Variants in NDUFAF2 observed in about 807,000 individuals in gnomAD.
NDUFAF2 encodes NADH:ubiquinone oxidoreductase complex assembly factor 2, also known as NADH dehydrogenase [ubiquinone] 1 alpha subcomplex assembly factor 2.
Under a neutral mutation model 22.8 loss-of-function variants are expected in NDUFAF2, and 13 were observed. The ratio of observed to expected loss-of-function variants is 0.57; its 90% CI spans 0.37 to 0.91. NDUFAF2 has a LOEUF of 0.91. Ranked by LOEUF, NDUFAF2 falls within the 40% of genes least tolerant of loss-of-function variation. NDUFAF2 has a pLI of 0.01. For missense variants in NDUFAF2, 162 were observed against 195.2 expected, an observed-to-expected ratio of 0.83 and a Z score of 1.01; for synonymous variants, 53 against 64.2, an observed-to-expected ratio of 0.83 and a Z score of 0.84.
intron 2 of NDUFAF2, among the ~76,000 whole-genome samples, chr5:61,082,625 G>C (rs992716870): frequency 2.6e-5 from 4 of 152,026 alleles, no homozygotes; most frequent in Non-Finnish European, 5.9e-5. Flanking sequence ...TGCAGTATTT[G>C]GTTTTCTGTT....
chr5:61,118,966 G>T (rs1193175848), intron 3 of NDUFAF2, among the ~76,000 whole-genome samples: 4 of 152,028 alleles, frequency 2.6e-5, no homozygotes, highest in Admixed American at 6.6e-5. Context: ...GTGGGTTATA[G>T]GTGTATGTTA....
chr5:60,959,549 T>G (rs575589318), intron 1 of NDUFAF2, among the ~76,000 whole-genome samples: 62 of 152,184 alleles, frequency 4.1e-4, no homozygotes, highest in African/African-American at 1.5e-3. Flanking sequence ...TAAGTAACAT[T>G]CTTTCTTTAG....
intron 1 of NDUFAF2, among the ~76,000 whole-genome samples, chr5:61,069,473 A>G (rs569022026): frequency 2.0e-5 from 3 of 152,318 alleles, no homozygotes; most frequent in Admixed American, 6.5e-5. Flanking sequence ...AAAAAACACA[A>G]CTAGCACATT....
chr5:60,996,335 A>G (rs1205197003), intron 1 of NDUFAF2, among the ~76,000 whole-genome samples: 1 of 152,126 alleles, frequency 6.6e-6, no homozygotes. Flanking sequence ...TAGAAATGTC[A>G]TCTGGGAGCT....
At chr5:60,995,144 G>C (rs967760555) in intron 1 of NDUFAF2, among the ~76,000 whole-genome samples, 2 of 151,888 alleles carry the variant, frequency 1.3e-5, no homozygotes, top group Non-Finnish European at 2.9e-5. Context: ...TGAATTCTTC[G>C]TCTGAAAGGT....
At chr5:61,020,133 A>G (rs1044563896) in intron 1 of NDUFAF2, among the ~76,000 whole-genome samples, 2 of 152,110 alleles carry the variant, frequency 1.3e-5, no homozygotes, top group East Asian at 3.8e-4. Flanking sequence ...CTTTTTACAT[A>G]TATTTGTAAA....
chr5:61,043,699 G>GTA (rs770808960), intron 1 of NDUFAF2, among the ~76,000 whole-genome samples: 42 of 148,652 alleles, frequency 2.8e-4, no homozygotes, highest in South Asian at 2.0e-3. Flanking sequence ...GTGTGTGTGT[G>GTA]TGTATGTGTG....
At chr5:61,076,624 T>C (rs2111736761) in intron 2 of NDUFAF2, among the ~76,000 whole-genome samples, 1 of 152,328 alleles carries the variant, frequency 6.6e-6, no homozygotes, top group South Asian at 2.1e-4. Context: ...GGGGGCCTTG[T>C]AGGCCATTTT....
chr5:60,992,911 T>C (rs917964790), intron 1 of NDUFAF2, among the ~76,000 whole-genome samples: 1 of 152,240 alleles, frequency 6.6e-6, no homozygotes, highest in South Asian at 2.1e-4. Flanking sequence ...GCAGGATCCT[T>C]AAGGTGTCAC....
At chr5:61,036,644 C>G (rs1028031682) in intron 1 of NDUFAF2, among the ~76,000 whole-genome samples, 4 of 152,120 alleles carry the variant, frequency 2.6e-5, no homozygotes. Flanking sequence ...AGGAAACCAC[C>G]ACAAATTCAA....
chr5:61,057,426 AATGT>A (rs1199519671), intron 1 of NDUFAF2, among the ~76,000 whole-genome samples: 1 of 152,172 alleles, frequency 6.6e-6, no homozygotes, highest in Non-Finnish European at 1.5e-5. Context: ...GAAAGAAGTA[AATGT>A]ATGGTGGTCT....
At chr5:61,141,365 T>C (rs1741054970) in intron 3 of NDUFAF2, among the ~76,000 whole-genome samples, 1 of 152,220 alleles carries the variant, frequency 6.6e-6, no homozygotes, top group African/African-American at 2.4e-5. Context: ...CCTGCCTCTC[T>C]TCCTTAGATT....
chr5:60,967,456 A>G (rs954253887), intron 1 of NDUFAF2, among the ~76,000 whole-genome samples: 4 of 151,968 alleles, frequency 2.6e-5, no homozygotes, highest in African/African-American at 9.7e-5. Flanking sequence ...TTTACTGTTG[A>G]GTATGTTAAC....
At chr5:61,032,310 G>A (rs919811641) in intron 1 of NDUFAF2, among the ~76,000 whole-genome samples, 6 of 152,160 alleles carry the variant, frequency 3.9e-5, no homozygotes, top group Admixed American at 3.3e-4. Context: ...CCATGCCTAT[G>A]TCTTGAATGG....
At chr5:60,989,987 C>T (rs565774810) in intron 1 of NDUFAF2, among the ~76,000 whole-genome samples, 16 of 152,118 alleles carry the variant, frequency 1.1e-4, no homozygotes, top group Non-Finnish European at 1.6e-4. Context: ...AGAATGAGAT[C>T]CTGTCATTTG....
chr5:60,970,706 A>T (rs1029400836), intron 1 of NDUFAF2, among the ~76,000 whole-genome samples: 1 of 152,110 alleles, frequency 6.6e-6, no homozygotes, highest in Non-Finnish European at 1.5e-5. Context: ...TGATTGCTTT[A>T]GCTAGGACTT....
chr5:61,089,054 A>G (rs1241516472), intron 2 of NDUFAF2, among the ~76,000 whole-genome samples: 3 of 152,122 alleles, frequency 2.0e-5, no homozygotes, highest in Non-Finnish European at 2.9e-5. Context: ...GGAGATTTGA[A>G]GAGTGTATGC....
At chr5:61,008,474 A>T (rs187783906) in intron 1 of NDUFAF2, among the ~76,000 whole-genome samples, 1 of 152,234 alleles carries the variant, frequency 6.6e-6, no homozygotes, top group Admixed American at 6.5e-5. Flanking sequence ...CAGCCTTTAG[A>T]ATAGTTCATC....
At chr5:61,087,485 A>G (rs1230691657) in intron 2 of NDUFAF2, among the ~76,000 whole-genome samples, 10 of 152,210 alleles carry the variant, frequency 6.6e-5, no homozygotes, top group Non-Finnish European at 1.5e-5. Context: ...TTAGAAATTG[A>G]TAATACCAAC....
Sources: gnomAD v4.1 joint callset for allele counts (sites outside exome capture counted in the v4.1 genomes callset) on GRCh38, gnomAD v4.1.1 for gene constraint, MANE v1.5 for transcripts, NCBI Gene and HGNC (gene_info 2026-07-23, HGNC 2026-07-21) for gene names.